Variants in GFM1 observed in about 807,000 individuals in gnomAD.
GFM1 encodes the protein elongation factor G, mitochondrial.
In GFM1, 62 loss-of-function variants were observed where a neutral mutation model predicts 96.2. The ratio of observed to expected loss-of-function variants is 0.64; its 90% CI spans 0.53 to 0.80. GFM1 has a LOEUF of 0.80. GFM1 is among the 30% of genes least tolerant of loss of function. GFM1 has a pLI of 0.00. For synonymous variants in GFM1, 282 were observed against 312.9 expected (o/e 0.90, Z 1.04); for missense variants, 852 against 916.6 (o/e 0.93, Z 0.91).
rs147343266 is a variant in GFM1, at chr3:158,649,106, G to T, written c.638G>T (p.Gly213Val). 6.3e-7 allele frequency: 1 copy of T among 1,575,196 alleles called. No individual in the cohort carries two copies. Among genetic ancestry groups the T allele is most frequent in the Non-Finnish European group, 8.7e-7 (1 of 1,145,050 alleles). The stretch of plus-strand genomic sequence containing the variant: ...ATGGGTTTGGAGGGTAATTTTAAAG[G>T]TATTGTAGATCTTATTGAGGAACGA... ...IPMGLEGNFKGIVDLIEERAI... is the reference protein window; with the variant it reads ...IPMGLEGNFKVIVDLIEERAI... The change falls in exon 5 of 18, where the codon GGT (glycine) becomes GTT (valine). Residue 213 changes from glycine to valine, a missense_variant. Transcript: ENST00000486715.
At chr3:158,685,595 A>G (rs1174543579) in intron 15 of GFM1, among the ~76,000 whole-genome samples, 2 of 152,168 alleles carry the variant, frequency 1.3e-5, no homozygotes, top group Non-Finnish European at 2.9e-5. Flanking sequence ...ATCTGTGATC[A>G]GGTATGGGGC....
At chr3:158,665,518 GTC>G (rs749414712) in intron 12 of GFM1, 44 bp downstream of exon 12, 2 of 1,525,536 alleles carry the variant, frequency 1.3e-6, no homozygotes, top group African/African-American at 2.7e-5. Flanking sequence ...ATTTATTACT[GTC>G]TGTTTCATTA....
rs1217831309 is a variant in GFM1 at position 158,671,543 on chromosome 3, A to G, written c.1601+5157A>G. ...GATTAACAAATTATATAAGACTAAG[A>G]AATGGTATTTCACTTTTAAATCAAG... On this transcript the variant is annotated intron_variant, in intron 13 of 17. Coordinates refer to ENST00000486715, the MANE Select transcript of GFM1 (RefSeq NM_024996.7). Among the ~76,000 whole-genome samples, 5 of 152,236 alleles carry G rather than the reference A, an allele frequency of 3.3e-5. No individual in the cohort carries two copies. In the South Asian group the frequency reaches 6.2e-4, roughly 19 times the overall value.
chr3:158,648,741 A>G (rs925412047), intron 4 of GFM1, among the ~76,000 whole-genome samples: 2 of 149,570 alleles, frequency 1.3e-5, no homozygotes, highest in Non-Finnish European at 3.0e-5. Context: ...TTTCCTGGCT[A>G]GCCCTCCATT....
intron 2 of GFM1, 131 bp downstream of exon 2, chr3:158,645,912 A>G (rs959609615): frequency 6.4e-6 from 6 of 942,516 alleles, no homozygotes; most frequent in Non-Finnish European, 5.1e-6. Context: ...AGTTAGGCTT[A>G]TCTGAAAGTT....
chr3:158,661,645 G>C (rs749720075), intron 10 of GFM1, among the ~76,000 whole-genome samples: 22 of 152,284 alleles, frequency 1.4e-4, no homozygotes, highest in Non-Finnish European at 2.5e-4. Flanking sequence ...CTCTGTAGGA[G>C]AGCAAACTCT....
intron 13 of GFM1, among the ~76,000 whole-genome samples, chr3:158,673,022 G>T (rs1340213619): frequency 6.6e-6 from 1 of 152,150 alleles, no homozygotes; most frequent in African/African-American, 2.4e-5. Context: ...CAGTACTCCA[G>T]GTAGTGATTC....
At chr3:158,660,682 G>A (rs543723350) in intron 9 of GFM1, 192 bp from the exon 10 acceptor site, 6 of 598,744 alleles carry the variant, frequency 1.0e-5, no homozygotes, top group South Asian at 8.0e-5. Context: ...TTTAAATGAA[G>A]GCCTTTTAAA....
intron 1 of GFM1, among the ~76,000 whole-genome samples, chr3:158,645,100 C>G (rs1250453438): frequency 6.6e-6 from 1 of 151,892 alleles, no homozygotes; most frequent in South Asian, 2.1e-4. Flanking sequence ...TCCCCATCCC[C>G]TGCCACCAGA....
At chr3:158,666,483 G>T in intron 13 of GFM1, 97 bp downstream of exon 13, 1 of 1,171,276 alleles carries the variant, frequency 8.5e-7, no homozygotes, top group Non-Finnish European at 1.3e-6. Flanking sequence ...ACATTTTTAT[G>T]TAGTGATACT....
chr3:158,672,634 C>T (rs1724463540), intron 13 of GFM1: 1 of 852,694 alleles, frequency 1.2e-6, no homozygotes. Flanking sequence ...CTTCCGACTC[C>T]GGAAGCTGCT....
intron 1 of GFM1, chr3:158,644,980 G>GTT (rs11405116): frequency 2.3e-3 from 488 of 214,546 alleles, no homozygotes; most frequent in East Asian, 5.1e-3. Context: ...CTTTTCTAAG[G>GTT]TTTTTTTTTT....
Position 158,686,551 on chromosome 3 carries a change from A to G in GFM1, c.1909+1883A>G, listed in dbSNP as rs77910992. On this transcript the variant is annotated intron_variant, in intron 15 of 17. Coordinates refer to ENST00000486715, the MANE Select transcript of GFM1 (RefSeq NM_024996.7). ...TAATGGTAAGATTCATTTGGAGCTA[A>G]TATATTAATATGTATTTCCTGTGGA... Among the ~76,000 whole-genome samples, 1,143 of 150,112 alleles carry G rather than the reference A, an allele frequency of 7.6e-3. 22 individuals are homozygous for G. Among genetic ancestry groups the G allele is most frequent in the African/African-American group, 0.027 (1,108 of 41,214 alleles).
At chr3:158,647,092 A>G (rs2108004303) in intron 4 of GFM1, 145 bp downstream of exon 4, 1 of 695,502 alleles carries the variant, frequency 1.4e-6, no homozygotes, top group East Asian at 2.8e-5. Context: ...TAAGTGGAAC[A>G]CTGATTTTAG....
intron 13 of GFM1, among the ~76,000 whole-genome samples, chr3:158,671,871 T>C (rs1314437366): frequency 6.6e-6 from 1 of 152,220 alleles, no homozygotes; most frequent in Admixed American, 6.5e-5. Flanking sequence ...TGACTTTGAT[T>C]GTCAGTTTCT....
rs1277129184 is a variant in GFM1 at position 158,695,400 on chromosome 3, GAAAA to G, written c.*3938_*3941del. The stretch of plus-strand genomic sequence containing the variant: ...GTGAGACTCTGTCTCAAAAAAAAAA[GAAAA>G]AAAAGAAAAGATGTTCTGATGGTGA... On this transcript the variant is annotated 3_prime_UTR_variant, in exon 18 of 18. Transcript: ENST00000486715. 2.0e-5 allele frequency: 3 copies of G among 151,366 alleles called. No homozygotes were observed. Among genetic ancestry groups the G allele is most frequent in the Non-Finnish European group, 4.4e-5 (3 of 67,822 alleles). 9.4% of individuals were successfully genotyped at this position (151,366 alleles called of 1,614,324 possible).
In GFM1 at chr3:158,684,988, A is replaced by G. The variant is rs755762753; in HGVS notation, c.1909+320A>G. ...GAATTCTAGGAAATTTTTAAAAGGT[A>G]TCTTAACTACAGTCTTATTTCTAGT... On this transcript the variant is annotated intron_variant, in intron 15 of 17. Coordinates refer to ENST00000486715, the MANE Select transcript of GFM1 (RefSeq NM_024996.7). The G allele has an allele frequency of 2.3e-5, 5 of 221,248 alleles. No individual in the cohort carries two copies. The East Asian group carries it at 3.8e-4, about 17-fold the overall frequency. 13.7% of individuals were successfully genotyped at this position (221,248 alleles called of 1,614,324 possible).
intron 12 of GFM1, among the ~76,000 whole-genome samples, 161 bp from the exon 13 acceptor site, chr3:158,666,143 T>C (rs191569476): frequency 2.0e-5 from 3 of 152,356 alleles, no homozygotes; most frequent in Admixed American, 1.3e-4. Flanking sequence ...GCAGTTTGTA[T>C]TAAGTATCAC....
intron 13 of GFM1, among the ~76,000 whole-genome samples, chr3:158,673,508 C>CTTTTTTTTTTTTTTTTT (rs766011688): frequency 8.8e-6 from 1 of 114,264 alleles, no homozygotes; most frequent in Non-Finnish European, 1.8e-5. Context: ...CTTTTCTTTT[C>CTTTTTTTTTTTTTTTTT]TTTTTTTTTT....
Sources: gnomAD v4.1 joint callset for allele counts (sites outside exome capture counted in the v4.1 genomes callset) on GRCh38, gnomAD v4.1.1 for gene constraint, MANE v1.5 for transcripts, NCBI Gene and HGNC (gene_info 2026-07-23, HGNC 2026-07-21) for gene names.